The following AP4E1 variants were observed in gnomAD, a reference collection of about 807,000 sequenced individuals.
AP4E1 encodes the protein adaptor related protein complex 4 subunit epsilon 1.
AP4E1 carries 56 observed loss-of-function variants against 128.2 expected under a neutral mutation model. The observed-to-expected ratio is 0.44, with a 90% confidence interval of 0.35 to 0.55. The LOEUF is 0.55. AP4E1 is among the 20% of genes least tolerant of loss of function. The pLI is 0.00. For synonymous variants in AP4E1, 484 were observed against 473.1 expected, an observed-to-expected ratio of 1.02 and a Z score of -0.30; for missense variants, 1,324 against 1,307.7, an observed-to-expected ratio of 1.01 and a Z score of -0.19.
intron 14 of AP4E1, among the ~76,000 whole-genome samples, chr15:50,965,732 C>CA (rs1490310520): frequency 6.6e-6 from 1 of 151,814 alleles, no homozygotes; most frequent in South Asian, 2.1e-4. Flanking sequence ...TTTGAGAATC[C>CA]AAAAAAGTGG....
chr15:50,952,420 G>A (rs1207127757), intron 13 of AP4E1, among the ~76,000 whole-genome samples: 2 of 150,530 alleles, frequency 1.3e-5, no homozygotes, highest in Non-Finnish European at 2.9e-5. Context: ...TGAGGCAGGA[G>A]AATCTCTTGA....
intron 17 of AP4E1, among the ~76,000 whole-genome samples, chr15:50,994,123 CAGAGTAT>C (rs929106724): frequency 3.9e-5 from 6 of 152,170 alleles, no homozygotes; most frequent in Middle Eastern, 3.4e-3. Context: ...ACAAAAAGTA[CAGAGTAT>C]AAAGTTTTAT....
chr15:51,001,506 A>T (rs979819307), intron 20 of AP4E1, among the ~76,000 whole-genome samples: 3 of 151,986 alleles, frequency 2.0e-5, no homozygotes, highest in Non-Finnish European at 4.4e-5. Context: ...TTAAACACTA[A>T]CTCCGCCTTT....
rs200194388 is a variant in AP4E1, at chr15:50,930,864, A to C, written c.762A>C (p.Val254=). Residue 254 remains valine, a synonymous_variant, in exon 7 of 21, where the codon GTA becomes GTC. Coordinates refer to ENST00000261842, the MANE Select transcript of AP4E1 (RefSeq NM_007347.5). The part of the protein sequence containing the change: ...TGSFVTILKQ[V]VGGKLPVEFN... ...GTTTTGTAACCATTTTGAAGCAAGT[A>C]GTTGGAGGAAAGCTCCCAGTAGAAT... is the stretch of plus-strand genomic sequence containing the variant. The C allele has an allele frequency of 1.4e-5, 23 of 1,614,160 alleles. No homozygotes were observed. The East Asian group carries it at 5.1e-4, about 36-fold the overall frequency.
At chr15:50,963,759 T>G (rs1448490785) in intron 14 of AP4E1, among the ~76,000 whole-genome samples, 3 of 152,226 alleles carry the variant, frequency 2.0e-5, no homozygotes, top group African/African-American at 7.2e-5. Context: ...GTGATGGATA[T>G]CCTAAGTACT....
At chr15:50,909,884 A>C (rs1446471818) in intron 1 of AP4E1, among the ~76,000 whole-genome samples, 1 of 152,040 alleles carries the variant, frequency 6.6e-6, no homozygotes, top group Non-Finnish European at 1.5e-5. Flanking sequence ...ACGGGGTTTC[A>C]CCGTGTTAGC....
chr15:50,946,122 G>A, intron 10 of AP4E1: 1 of 538,404 alleles, frequency 1.9e-6, no homozygotes, highest in Non-Finnish European at 3.3e-6. Flanking sequence ...GAGCTTTATT[G>A]TTGCTCCTTT....
intron 8 of AP4E1, among the ~76,000 whole-genome samples, chr15:50,940,479 A>T (rs951625758): frequency 7.9e-5 from 12 of 152,224 alleles, no homozygotes; most frequent in African/African-American, 2.7e-4. Flanking sequence ...TATTCAGAAT[A>T]TATTTTGTAC....
At chr15:50,944,635 G>A (rs1165730464) in intron 10 of AP4E1, 2 of 318,674 alleles carry the variant, frequency 6.3e-6, no homozygotes, top group Non-Finnish European at 1.1e-5. Context: ...AAGAGCTCGT[G>A]GAGTCCGGCC....
In AP4E1 at chr15:50,934,711, G is replaced by A. The variant is rs1567220601; in HGVS notation, c.943+14G>A. 1 of 1,515,504 alleles carries A rather than the reference G, an allele frequency of 6.6e-7. No individual in the cohort carries two copies. The highest frequency in any genetic ancestry group is 9.2e-7 in the Non-Finnish European group (1 of 1,090,874). 93.9% of individuals were successfully genotyped at this position (1,515,504 alleles called of 1,614,324 possible). A position where few individuals can be genotyped will look rare whatever the true frequency, so the allele number is the denominator to read the frequency against. ...ATGTCACATATGGTAGGTAATATATGTAAATATTACTCTAATGACTAATAA... is the reference window on the plus strand; with the variant it reads ...ATGTCACATATGGTAGGTAATATATATAAATATTACTCTAATGACTAATAA... On this transcript the variant is annotated intron_variant, in intron 8 of 20. Transcript: ENST00000261842.
intron 13 of AP4E1, among the ~76,000 whole-genome samples, chr15:50,956,952 G>A (rs2064232385): frequency 6.6e-6 from 1 of 152,140 alleles, no homozygotes. Flanking sequence ...GGGTGCAGGA[G>A]CCAGAGTGAG....
At chr15:50,951,329 G>C (rs1486058126) in intron 13 of AP4E1, among the ~76,000 whole-genome samples, 1 of 152,204 alleles carries the variant, frequency 6.6e-6, no homozygotes, top group Non-Finnish European at 1.5e-5. Flanking sequence ...ACTGTTAACT[G>C]TAGGCTGTCC....
intron 15 of AP4E1, 98 bp downstream of exon 15, chr15:50,968,475 T>G: frequency 3.2e-6 from 3 of 929,058 alleles, no homozygotes; most frequent in Non-Finnish European, 3.3e-6. Context: ...TACTTTCTAT[T>G]ATTTCTCTTT....
chr15:50,948,760 G>T (rs1297504633), intron 11 of AP4E1, among the ~76,000 whole-genome samples: 1 of 151,782 alleles, frequency 6.6e-6, no homozygotes, highest in East Asian at 1.9e-4. Flanking sequence ...ATCACCTGAG[G>T]TCGGGAGTTT....
At chr15:50,962,725 A>G (rs1302423226) in intron 14 of AP4E1, among the ~76,000 whole-genome samples, 2 of 151,936 alleles carry the variant, frequency 1.3e-5, no homozygotes, top group South Asian at 2.1e-4. Flanking sequence ...TCAAAAGCAC[A>G]GGCAAAAAAG....
At chr15:50,912,233 G>A (rs554347187) in intron 2 of AP4E1, 84 bp downstream of exon 2, 171 of 1,230,858 alleles carry the variant, frequency 1.4e-4, no homozygotes, top group Non-Finnish European at 1.8e-4. Flanking sequence ...ACTGATGATC[G>A]GTTGCTAAAA....
chr15:50,908,651 G>A (rs2141120561), upstream of AP4E1: 1 of 1,190,420 alleles, frequency 8.4e-7, no homozygotes, highest in Non-Finnish European at 1.1e-6. Flanking sequence ...CAGGTGGGAC[G>A]CCAATAAAGA....
intron 7 of AP4E1, among the ~76,000 whole-genome samples, chr15:50,933,859 C>T (rs1457594909): frequency 1.3e-5 from 2 of 152,024 alleles, no homozygotes; most frequent in Non-Finnish European, 2.9e-5. Flanking sequence ...CTCTGCAAGA[C>T]CACTGTATGT....
At chr15:50,956,425 A>C (rs977006404) in intron 13 of AP4E1, among the ~76,000 whole-genome samples, 7 of 152,204 alleles carry the variant, frequency 4.6e-5, no homozygotes, top group Middle Eastern at 3.4e-3. Flanking sequence ...TTCCATAAAC[A>C]CCATTTAGGA....
Sources: gnomAD v4.1 joint callset for allele counts (sites outside exome capture counted in the v4.1 genomes callset) on GRCh38, gnomAD v4.1.1 for gene constraint, MANE v1.5 for transcripts, NCBI Gene and HGNC (gene_info 2026-07-23, HGNC 2026-07-21) for gene names.